The following DAB1 variants were observed in gnomAD, a reference collection of about 807,000 sequenced individuals.
The protein encoded by DAB1 is disabled homolog 1.
In DAB1, 15 loss-of-function variants were observed where a neutral mutation model predicts 64.6. The observed-to-expected ratio is 0.23, with a 90% CI of 0.16 to 0.36. DAB1 has a LOEUF of 0.36. DAB1 is among the 10% of genes least tolerant of loss of function. The pLI, the probability that DAB1 is intolerant of heterozygous loss-of-function variation, is 1.00. For missense variants in DAB1, 596 were observed against 706.7 expected (o/e 0.84, Z 1.78); for synonymous variants, 235 against 251.9 (o/e 0.93, Z 0.64).
chr1:57,825,704 T>C (rs1652319764), downstream of DAB1, among the ~76,000 whole-genome samples: 1 of 152,228 alleles, frequency 6.6e-6, no homozygotes, highest in Non-Finnish European at 1.5e-5. Flanking sequence ...AATAAATGAC[T>C]ATATGATCTC....
At chr1:57,152,845 C>T (rs1022907524) in intron 2 of DAB1, among the ~76,000 whole-genome samples, 3 of 152,128 alleles carry the variant, frequency 2.0e-5, no homozygotes, top group Non-Finnish European at 2.9e-5. Context: ...AGGAACAGAA[C>T]TGAGTTGGTA....
intron 7 of DAB1, among the ~76,000 whole-genome samples, chr1:57,527,628 A>T (rs1644609066): frequency 6.6e-6 from 1 of 152,218 alleles, no homozygotes. Context: ...GGGTTTATAG[A>T]TTTAAATTGA....
intron 7 of DAB1, among the ~76,000 whole-genome samples, chr1:57,645,167 T>A (rs906299753): frequency 4.6e-5 from 7 of 152,192 alleles, no homozygotes; most frequent in African/African-American, 1.4e-4. Flanking sequence ...CAAGTCTCCC[T>A]GTGGCCTACC....
chr1:57,750,634 T>C (rs985437573), intron 6 of DAB1, among the ~76,000 whole-genome samples: 11 of 152,202 alleles, frequency 7.2e-5, no homozygotes, highest in African/African-American at 2.7e-4. Context: ...AATGGAACTC[T>C]TGGCAAGTCT....
intron 2 of DAB1, among the ~76,000 whole-genome samples, chr1:58,510,781 G>A (rs1269766205): frequency 4.6e-5 from 7 of 151,874 alleles, no homozygotes; most frequent in African/African-American, 1.5e-4. Flanking sequence ...AGTAAAGTTA[G>A]TATACAAAAA....
At chr1:57,086,318 T>C (rs1653067660) in intron 4 of DAB1, among the ~76,000 whole-genome samples, 2 of 152,006 alleles carry the variant, frequency 1.3e-5, no homozygotes, top group Non-Finnish European at 2.9e-5. Flanking sequence ...TCTAACACAG[T>C]GTGCCAAGGG....
chr1:57,960,841 A>C (rs1570087239), intron 5 of DAB1, among the ~76,000 whole-genome samples: 1 of 152,180 alleles, frequency 6.6e-6, no homozygotes, highest in Non-Finnish European at 1.5e-5. Flanking sequence ...AGGAGAACAG[A>C]CCCCAGCCTC....
intron 3 of DAB1, among the ~76,000 whole-genome samples, chr1:58,477,868 TA>T (rs1476828625): frequency 6.6e-6 from 1 of 152,090 alleles, no homozygotes; most frequent in Non-Finnish European, 1.5e-5. Flanking sequence ...TTCTTACAAG[TA>T]AAAAAACCTT....
chr1:57,664,760 A>T (rs1166629995), intron 6 of DAB1, among the ~76,000 whole-genome samples: 4 of 152,064 alleles, frequency 2.6e-5, no homozygotes, highest in Non-Finnish European at 5.9e-5. Context: ...TAAAGCCATT[A>T]AGTGATAATA....
intron 1 of DAB1, among the ~76,000 whole-genome samples, chr1:57,854,812 G>C (rs1197711450): frequency 6.6e-6 from 1 of 152,134 alleles, no homozygotes; most frequent in African/African-American, 2.4e-5. Context: ...CAGAGACAGG[G>C]AATTTAAAAC....
intron 4 of DAB1, among the ~76,000 whole-genome samples, chr1:58,197,558 G>GT (rs1387129829): frequency 1.3e-4 from 19 of 151,600 alleles, no homozygotes; most frequent in South Asian, 2.1e-4. Context: ...CACCCAGCTA[G>GT]TTTTTTTTGT....
At chr1:58,034,793 C>T (rs549784317) in intron 5 of DAB1, among the ~76,000 whole-genome samples, 2 of 152,226 alleles carry the variant, frequency 1.3e-5, no homozygotes, top group African/African-American at 4.8e-5. Context: ...GGTTTTGCAG[C>T]CACCTACCCT....
At chr1:57,814,294 GC>G (rs1350458508) in intron 6 of DAB1, among the ~76,000 whole-genome samples, 1 of 152,108 alleles carries the variant, frequency 6.6e-6, no homozygotes, top group African/African-American at 2.4e-5. Flanking sequence ...AATCCATCTG[GC>G]CACACATCAA....
At chr1:57,199,145 A>G (rs1664887096) in intron 2 of DAB1, among the ~76,000 whole-genome samples, 1 of 152,230 alleles carries the variant, frequency 6.6e-6, no homozygotes, top group African/African-American at 2.4e-5. Flanking sequence ...CACTCCACAC[A>G]CTGAAGGCTC....
chr1:57,955,057 C>T lies in DAB1; in HGVS notation n.388-70895G>A, dbSNP rs141073099. Among the ~76,000 whole-genome samples, 553 of 152,302 alleles carry T rather than the reference C, an allele frequency of 3.6e-3. 4 individuals are homozygous for T. Among genetic ancestry groups the T allele is most frequent in the African/African-American group, 0.013 (534 of 41,564 alleles). ...TTGTACAATGTGTTCCTGAATGGAT[C>T]TTGGCTTATATCCACACCTCTTTTT... On this transcript the variant is annotated intron_variant and non_coding_transcript_variant, in intron 5 of 20. Transcript: ENST00000485760.
chr1:58,154,224 C>A (rs1655095717), intron 4 of DAB1, among the ~76,000 whole-genome samples: 2 of 152,022 alleles, frequency 1.3e-5, no homozygotes, highest in Non-Finnish European at 2.9e-5. Flanking sequence ...CTCCTTTGTA[C>A]CCAAAAACCC....
chr1:58,303,212 G>A (rs1235187279), intron 4 of DAB1, among the ~76,000 whole-genome samples: 3 of 152,114 alleles, frequency 2.0e-5, no homozygotes, highest in Admixed American at 2.0e-4. Flanking sequence ...CCAGCTGGAA[G>A]GTCCCTGATC....
chr1:57,987,476 G>A (rs915613940), intron 5 of DAB1, among the ~76,000 whole-genome samples: 1 of 152,184 alleles, frequency 6.6e-6, no homozygotes, highest in Non-Finnish European at 1.5e-5. Flanking sequence ...AAGGTCAAAG[G>A]TTACCAAGTA....
chr1:57,469,525 T>G (rs1687069294), intron 7 of DAB1, among the ~76,000 whole-genome samples: 1 of 152,162 alleles, frequency 6.6e-6, no homozygotes, highest in Non-Finnish European at 1.5e-5. Context: ...CAGCCCCAGG[T>G]CCACTCTGGA....
Sources: allele counts gnomAD v4.1 joint callset (sites outside exome capture counted in the v4.1 genomes callset), GRCh38; gene constraint gnomAD v4.1.1; transcripts MANE v1.5; gene names NCBI Gene and HGNC (gene_info 2026-07-23, HGNC 2026-07-21).